Variants in CNTNAP2 observed in about 807,000 individuals in gnomAD.
The protein encoded by CNTNAP2 is contactin associated protein 2.
A neutral mutation model predicts 155.2 loss-of-function variants in CNTNAP2; 98 were observed. The ratio of observed to expected loss-of-function variants is 0.63; its 90% CI spans 0.54 to 0.75. CNTNAP2 has a LOEUF of 0.75. CNTNAP2 is among the 30% of genes least tolerant of loss of function. The pLI, the probability that CNTNAP2 is intolerant of heterozygous loss-of-function variation, is 0.00. For missense variants in CNTNAP2, 1,727 were observed against 1,688.1 expected (o/e 1.02, Z -0.40); for synonymous variants, 651 against 631.2 (o/e 1.03, Z -0.47).
At chr7:147,854,932 A>G (rs1563112556) in intron 13 of CNTNAP2, among the ~76,000 whole-genome samples, 1 of 152,208 alleles carries the variant, frequency 6.6e-6, no homozygotes, top group Non-Finnish European at 1.5e-5. Flanking sequence ...AAGAATTTTG[A>G]AGACACCGCC....
intron 12 of CNTNAP2, among the ~76,000 whole-genome samples, chr7:147,597,295 C>G (rs1166975777): frequency 6.6e-6 from 1 of 152,116 alleles, no homozygotes; most frequent in Admixed American, 6.5e-5. Context: ...GAACTTTCCC[C>G]TGTCCCACCT....
At chr7:147,566,417 A>G (rs910073970) in intron 12 of CNTNAP2, among the ~76,000 whole-genome samples, 9 of 151,646 alleles carry the variant, frequency 5.9e-5, no homozygotes, top group African/African-American at 1.5e-4. Flanking sequence ...TCACGCTGCT[A>G]TAAAGAACTT....
At chr7:147,658,786 T>TCCCCTCCAGCTTCCCACTGA (rs1795569405) in intron 13 of CNTNAP2, among the ~76,000 whole-genome samples, 1 of 152,194 alleles carries the variant, frequency 6.6e-6, no homozygotes, top group Non-Finnish European at 1.5e-5. Context: ...TACTGTGCTT[T>TCCCCTCCAGCTTCCCACTGA]CCCCTCCAGC....
intron 5 of CNTNAP2, among the ~76,000 whole-genome samples, chr7:147,120,062 T>C (rs1313057336): frequency 6.6e-6 from 1 of 152,204 alleles, no homozygotes; most frequent in Admixed American, 6.5e-5. Context: ...GCTACATATA[T>C]AATTCTGAAT....
At chr7:146,274,816 C>T (rs1157539319) in intron 1 of CNTNAP2, among the ~76,000 whole-genome samples, 1 of 152,146 alleles carries the variant, frequency 6.6e-6, no homozygotes, top group Non-Finnish European at 1.5e-5. Flanking sequence ...TAACAGTTAA[C>T]CTACATTTCG....
At chr7:147,450,823 C>T (rs1437639482) in intron 10 of CNTNAP2, among the ~76,000 whole-genome samples, 3 of 152,166 alleles carry the variant, frequency 2.0e-5, no homozygotes, top group African/African-American at 7.2e-5. Flanking sequence ...TGCATTTGTT[C>T]TCCCATTTGT....
At chr7:146,647,367 T>A (rs1166670851) in intron 1 of CNTNAP2, among the ~76,000 whole-genome samples, 1 of 83,746 alleles carries the variant, frequency 1.2e-5, no homozygotes, top group Non-Finnish European at 3.3e-5. Context: ...TAGTCCATGA[T>A]GTACACTGAA....
At chr7:147,382,634 TA>T (rs1796554585) in intron 9 of CNTNAP2, among the ~76,000 whole-genome samples, 1 of 152,038 alleles carries the variant, frequency 6.6e-6, no homozygotes, top group Admixed American at 6.6e-5. Flanking sequence ...GAGACAGAGA[TA>T]TGATTAGAGA....
At chr7:146,245,469 T>C (rs1240971479) in intron 1 of CNTNAP2, among the ~76,000 whole-genome samples, 9 of 152,308 alleles carry the variant, frequency 5.9e-5, no homozygotes, top group South Asian at 2.1e-4. Context: ...CAGCAGCCGC[T>C]GCACGCAGAC....
intron 1 of CNTNAP2, among the ~76,000 whole-genome samples, chr7:146,326,226 A>C (rs1404356525): frequency 6.6e-6 from 1 of 152,214 alleles, no homozygotes; most frequent in Non-Finnish European, 1.5e-5. Flanking sequence ...ATGCAGAGGA[A>C]AAAACATATT....
At chr7:147,388,475 A>G (rs1796657701) in intron 9 of CNTNAP2, among the ~76,000 whole-genome samples, 1 of 152,208 alleles carries the variant, frequency 6.6e-6, no homozygotes, top group Non-Finnish European at 1.5e-5. Flanking sequence ...CAAATATACA[A>G]TTTCATTCAT....
At chr7:147,719,580 A>G (rs569308852) in intron 13 of CNTNAP2, among the ~76,000 whole-genome samples, 4 of 152,208 alleles carry the variant, frequency 2.6e-5, no homozygotes, top group Non-Finnish European at 4.4e-5. Flanking sequence ...AATGTTTTAC[A>G]CTGGTAAACA....
chr7:146,233,140 G>A lies in CNTNAP2; in HGVS notation c.97+116167G>A, dbSNP rs549665018. Among the ~76,000 whole-genome samples the A allele has an allele frequency of 1.5e-4, 23 of 151,916 alleles. No homozygotes were observed. In the South Asian group the frequency reaches 4.6e-3, roughly 30 times the overall value. On this transcript the variant is annotated intron_variant, in intron 1 of 23. Transcript: ENST00000361727. ...AGTGTTCTAAGCACTAACTAGAAAT[G>A]TATTCAGGTGAAAAAGAAAAATCCA...
chr7:147,991,924 CTA>C (rs1023884007), intron 15 of CNTNAP2, among the ~76,000 whole-genome samples: 2 of 152,030 alleles, frequency 1.3e-5, no homozygotes, highest in African/African-American at 4.8e-5. Flanking sequence ...ACACTCCTAA[CTA>C]TGTGCAGGTC....
intron 14 of CNTNAP2, among the ~76,000 whole-genome samples, chr7:147,941,526 C>T (rs1800721602): frequency 6.6e-6 from 1 of 152,308 alleles, no homozygotes; most frequent in East Asian, 1.9e-4. Context: ...CCCTGGAGAG[C>T]TTTGCAGACA....
chr7:147,695,729 G>C (rs1796151588), intron 13 of CNTNAP2, among the ~76,000 whole-genome samples: 1 of 152,254 alleles, frequency 6.6e-6, no homozygotes, highest in African/African-American at 2.4e-5. Context: ...TTGAACCCGG[G>C]AGGCGAAGGT....
chr7:146,398,435 C>T (rs1036560866), intron 1 of CNTNAP2, among the ~76,000 whole-genome samples: 5 of 151,938 alleles, frequency 3.3e-5, no homozygotes, highest in African/African-American at 7.3e-5. Context: ...TACTATCATG[C>T]GAATAGCGTG....
At chr7:148,149,906 T>G (rs1218732441) in intron 17 of CNTNAP2, among the ~76,000 whole-genome samples, 3 of 151,906 alleles carry the variant, frequency 2.0e-5, no homozygotes, top group Middle Eastern at 3.2e-3. Flanking sequence ...GAAACAGAAA[T>G]TTCAGAACAG....
At chr7:147,321,063 G>A (rs1269217439) in intron 9 of CNTNAP2, among the ~76,000 whole-genome samples, 2 of 152,158 alleles carry the variant, frequency 1.3e-5, no homozygotes, top group Admixed American at 1.3e-4. Flanking sequence ...ATCTGTTCTT[G>A]ACATAGTTTA....
Sources: gnomAD v4.1 joint callset for allele counts (sites outside exome capture counted in the v4.1 genomes callset) on GRCh38, gnomAD v4.1.1 for gene constraint, MANE v1.5 for transcripts, NCBI Gene and HGNC (gene_info 2026-07-23, HGNC 2026-07-21) for gene names.